Variants in MGAT4C observed in about 807,000 individuals in gnomAD.
MGAT4C encodes MGAT4 family member C.
In MGAT4C, 19 loss-of-function variants were observed where a neutral mutation model predicts 40.1. The ratio of observed to expected loss-of-function variants is 0.47; its 90% CI spans 0.33 to 0.70. The LOEUF (loss-of-function observed/expected upper bound fraction) is 0.70. MGAT4C is among the 30% of genes least tolerant of loss of function. The pLI is 0.02. For missense variants in MGAT4C, 491 were observed against 563.2 expected (o/e 0.87, Z 1.30); for synonymous variants, 181 against 187.1 (o/e 0.97, Z 0.27).
intron 3 of MGAT4C, among the ~76,000 whole-genome samples, chr12:86,403,485 C>T (rs114132396): frequency 0.013 from 1,945 of 152,302 alleles, 42 homozygotes; most frequent in African/African-American, 0.042. Flanking sequence ...ATGTCAACCA[C>T]AAAGAAGACA....
intron 4 of MGAT4C, among the ~76,000 whole-genome samples, chr12:86,313,248 T>G (rs1156687061): frequency 6.6e-6 from 1 of 152,196 alleles, no homozygotes; most frequent in African/African-American, 2.4e-5. Context: ...AAGTAATCTG[T>G]GTGAAATCAT....
chr12:86,012,504 G>T (rs928191989), intron 2 of MGAT4C, among the ~76,000 whole-genome samples: 32 of 152,016 alleles, frequency 2.1e-4, no homozygotes, highest in African/African-American at 7.7e-4. Context: ...AATTTGTGAG[G>T]CTGAGGCAGG....
intron 1 of MGAT4C, among the ~76,000 whole-genome samples, chr12:86,148,146 G>C (rs1883799937): frequency 1.3e-5 from 2 of 152,130 alleles, no homozygotes; most frequent in Admixed American, 6.6e-5. Flanking sequence ...ATTTTTAAAA[G>C]ACTTCTTGCA....
chr12:86,164,420 C>A (rs1885957785), intron 1 of MGAT4C, among the ~76,000 whole-genome samples: 1 of 152,160 alleles, frequency 6.6e-6, no homozygotes, highest in African/African-American at 2.4e-5. Flanking sequence ...CTGTTTACTG[C>A]ATACTGAGTC....
intron 1 of MGAT4C, among the ~76,000 whole-genome samples, chr12:86,779,730 G>A (rs935380423): frequency 6.4e-4 from 98 of 152,080 alleles, no homozygotes; most frequent in African/African-American, 2.2e-3. Flanking sequence ...TGGCTAACGC[G>A]GTGAAACCTC....
chr12:86,665,014 C>T (rs1396330330), intron 2 of MGAT4C, among the ~76,000 whole-genome samples: 5 of 152,088 alleles, frequency 3.3e-5, no homozygotes, highest in Admixed American at 6.6e-5. Context: ...AAGTTGCCTT[C>T]AGTCACGTAG....
intron 2 of MGAT4C, among the ~76,000 whole-genome samples, chr12:86,501,659 G>T (rs1958345406): frequency 6.6e-6 from 1 of 151,978 alleles, no homozygotes; most frequent in African/African-American, 2.4e-5. Flanking sequence ...CCATGTCCCT[G>T]CAAAGGACAT....
At chr12:86,219,360 T>A (rs1950793783) in intron 1 of MGAT4C, among the ~76,000 whole-genome samples, 1 of 62,900 alleles carries the variant, frequency 1.6e-5, no homozygotes, top group Admixed American at 1.7e-4. Context: ...AATGATGAGG[T>A]GACTGTTCTA....
chr12:86,382,773 G>A (rs1043694568), intron 3 of MGAT4C, among the ~76,000 whole-genome samples: 5 of 152,216 alleles, frequency 3.3e-5, no homozygotes, highest in African/African-American at 4.8e-5. Context: ...GGCTTCAGAA[G>A]GTATAAGCCC....
chr12:86,026,362 A>AAC (rs886632422), intron 2 of MGAT4C, among the ~76,000 whole-genome samples: 2 of 151,386 alleles, frequency 1.3e-5, no homozygotes, highest in Non-Finnish European at 3.0e-5. Context: ...ACAAATACTA[A>AAC]ACACACACAC....
intron 3 of MGAT4C, among the ~76,000 whole-genome samples, chr12:86,359,289 GAC>G (rs1955397331): frequency 6.6e-6 from 1 of 152,122 alleles, no homozygotes; most frequent in African/African-American, 2.4e-5. Context: ...TGAGAACAAA[GAC>G]ACAACATACC....
Position 86,773,308 on chromosome 12 carries a change from T to C in MGAT4C, c.-261-46067A>G, listed in dbSNP as rs370024975. Among the ~76,000 whole-genome samples the C allele has an allele frequency of 3.9e-5, 6 of 152,186 alleles. 1 individual carries two copies. ...CAACATCTACAGAGGGAAGAGGATA[T>C]GAAAACACAGGGAGAAGATAGCCAC... On this transcript the variant is annotated intron_variant, in intron 1 of 7. Coordinates refer to the MGAT4C transcript ENST00000548651.
chr12:86,485,152 G>A (rs989515554), intron 2 of MGAT4C, among the ~76,000 whole-genome samples: 1 of 152,076 alleles, frequency 6.6e-6, no homozygotes, highest in African/African-American at 2.4e-5. Context: ...AGAAAGAATC[G>A]GCATAAGAAT....
chr12:86,214,114 C>T (rs770420315), intron 1 of MGAT4C, among the ~76,000 whole-genome samples: 2 of 152,212 alleles, frequency 1.3e-5, no homozygotes, highest in African/African-American at 4.8e-5. Context: ...GCTGGGACTA[C>T]ACTTCCAATT....
intron 1 of MGAT4C, among the ~76,000 whole-genome samples, chr12:86,116,728 A>G (rs1434660592): frequency 6.6e-6 from 1 of 152,096 alleles, no homozygotes; most frequent in African/African-American, 2.4e-5. Context: ...GATGTAATCC[A>G]ATTGTATTCA....
intron 2 of MGAT4C, among the ~76,000 whole-genome samples, chr12:86,637,376 A>C (rs1285513292): frequency 6.6e-6 from 1 of 151,930 alleles, no homozygotes; most frequent in Non-Finnish European, 1.5e-5. Flanking sequence ...CAGACTACAC[A>C]ATTCTGATTC....
rs557577703 is a variant in MGAT4C, at chr12:86,174,592, T to C, written c.-57+81647A>G. Among the ~76,000 whole-genome samples, 4 of 152,280 alleles carry C rather than the reference T, an allele frequency of 2.6e-5. No individual in the cohort carries two copies. The East Asian group carries it at 7.7e-4, about 29-fold the overall frequency. On this transcript the variant is annotated intron_variant, in intron 1 of 4. Coordinates refer to ENST00000611864, the MANE Select transcript of MGAT4C (RefSeq NM_001351288.2). ...GCATTATTTAAGGTTCTACCATTTA[T>C]TGCTCTCTTCTATTTTTATGGCTTT...
chr12:86,631,647 A>G (rs1963048253), intron 2 of MGAT4C, among the ~76,000 whole-genome samples: 1 of 152,184 alleles, frequency 6.6e-6, no homozygotes, highest in East Asian at 1.9e-4. Context: ...AAAAACAAGA[A>G]ATGGGGAAAG....
intron 1 of MGAT4C, among the ~76,000 whole-genome samples, chr12:86,171,970 C>T (rs774279345): frequency 6.6e-5 from 10 of 152,264 alleles, no homozygotes; most frequent in South Asian, 2.1e-4. Flanking sequence ...AACCCTTGAG[C>T]GAGACTGGCT....
Sources: allele counts gnomAD v4.1 joint callset (sites outside exome capture counted in the v4.1 genomes callset), GRCh38; gene constraint gnomAD v4.1.1; transcripts MANE v1.5; gene names NCBI Gene and HGNC (gene_info 2026-07-23, HGNC 2026-07-21).